Variants in CRTC1 observed in about 807,000 individuals in gnomAD.
The protein encoded by CRTC1 is CREB regulated transcription coactivator 1.
In CRTC1, 18 loss-of-function variants were observed where a neutral mutation model predicts 66.1. That is an observed-to-expected ratio of 0.27 (90% CI 0.19 to 0.40). CRTC1 has a LOEUF of 0.40. CRTC1 is among the 10% of genes least tolerant of loss of function. The pLI is 1.00. For synonymous variants in CRTC1, 416 were observed against 398.8 expected, an observed-to-expected ratio of 1.04 and a Z score of -0.51; for missense variants, 669 against 887.9, an observed-to-expected ratio of 0.75 and a Z score of 3.13.
intron 1 of CRTC1, among the ~76,000 whole-genome samples, chr19:18,722,982 C>G (rs1015278424): frequency 1.3e-5 from 2 of 151,994 alleles, no homozygotes; most frequent in African/African-American, 4.8e-5. Flanking sequence ...GCTCTCTTGC[C>G]CAGGCTGGAG....
chr19:18,776,063 G>A (rs1312877262), intron 13 of CRTC1, among the ~76,000 whole-genome samples: 1 of 152,174 alleles, frequency 6.6e-6, no homozygotes, highest in Admixed American at 6.5e-5. Flanking sequence ...GGATAGAGAC[G>A]GTCACTCTCC....
intron 1 of CRTC1, among the ~76,000 whole-genome samples, chr19:18,704,288 G>A (rs1248449159): frequency 3.3e-5 from 5 of 152,052 alleles, no homozygotes; most frequent in Non-Finnish European, 7.4e-5. Context: ...AAATTCTTTT[G>A]TAGAGACGGG....
chr19:18,712,352 G>A (rs2053411258), intron 1 of CRTC1, among the ~76,000 whole-genome samples: 1 of 152,034 alleles, frequency 6.6e-6, no homozygotes, highest in South Asian at 2.1e-4. Context: ...TCCACCTCCC[G>A]GGTTTAAGTG....
At position 18,746,028 on chromosome 19, in the gene CRTC1, AC is replaced by A. The variant is rs926363573; in HGVS notation, c.381+71del. On this transcript the variant is annotated intron_variant, in intron 3 of 13. Transcript: ENST00000321949. The stretch of plus-strand genomic sequence containing the variant: ...TCGGTGCCGGCAGGACCCCAAGTTT[AC>A]CCAGCAGGTTCTGACAGGGCTGCCT... 1.6e-5 allele frequency: 24 copies of A among 1,538,152 alleles called. No individual in the cohort carries two copies. In the African/African-American group the frequency reaches 2.9e-4, roughly 18 times the overall value.
chr19:18,742,827 GT>G, intron 1 of CRTC1, 82 bp from the exon 2 acceptor site: 1 of 982,332 alleles, frequency 1.0e-6, no homozygotes, highest in Admixed American at 1.7e-5. Flanking sequence ...CACCACTTGG[GT>G]CTTTTTGTGC....
At chr19:18,765,376 C>T (rs972726142) in intron 8 of CRTC1, 28 bp from the exon 9 acceptor site, 2 of 1,597,624 alleles carry the variant, frequency 1.3e-6, no homozygotes, top group Non-Finnish European at 8.6e-7. Flanking sequence ...CTCACACCTG[C>T]TCTCCCTCCC....
intron 1 of CRTC1, among the ~76,000 whole-genome samples, 185 bp from the exon 2 acceptor site, chr19:18,742,725 T>C (rs1187766287): frequency 6.6e-6 from 1 of 152,238 alleles, no homozygotes; most frequent in Non-Finnish European, 1.5e-5. Flanking sequence ...CTCGGGTTTC[T>C]GATTCTGCCA....
rs571146191 is a variant in CRTC1, at chr19:18,780,768, G to A, written c.*3386G>A. 2 of 219,352 alleles carry A rather than the reference G, an allele frequency of 9.1e-6. No homozygotes were observed. The highest frequency in any genetic ancestry group is 1.2e-4 in the Admixed American group (2 of 17,292). 13.6% of individuals were successfully genotyped at this position (219,352 alleles called of 1,614,324 possible). A position where few individuals can be genotyped will look rare whatever the true frequency, so the allele number is the denominator to read the frequency against. On this transcript the variant is annotated 3_prime_UTR_variant, in exon 14 of 14. Coordinates refer to ENST00000321949, the MANE Select transcript of CRTC1 (RefSeq NM_015321.3). ...GGTCTCGGACTCCTGGGCTCAAGCA[G>A]TCCTCCCTCCTCGGCCTCCCAAAGT... is the stretch of plus-strand genomic sequence containing the variant.
At chr19:18,753,384 T>C in intron 5 of CRTC1, 116 bp from the exon 6 acceptor site, 1 of 715,008 alleles carries the variant, frequency 1.4e-6, no homozygotes, top group South Asian at 1.8e-5. Flanking sequence ...TTAGGACAGT[T>C]GCAGTCTTAC....
At position 18,741,522 on chromosome 19, in the gene CRTC1, G is replaced by A. The variant is rs1362587386; in HGVS notation, c.127-1388G>A. Among the ~76,000 whole-genome samples, 2 of 152,168 alleles carry A rather than the reference G, an allele frequency of 1.3e-5. No homozygotes were observed. The highest frequency in any genetic ancestry group is 1.5e-5 in the Non-Finnish European group (1 of 68,030). On this transcript the variant is annotated intron_variant, in intron 1 of 13. Coordinates refer to ENST00000321949, the MANE Select transcript of CRTC1 (RefSeq NM_015321.3). This position sits in a 1 kb window ranked among gnomAD's most constrained non-coding sequence, Gnocchi z 4.2. ...AAGAGGGTGGAGAAAGTCACGGGAG[G>A]CCACAGGCGACCTATGCCCAGGTAG...
chr19:18,770,834 GTGTGGGTGTGCA>G (rs1189918668), intron 10 of CRTC1, among the ~76,000 whole-genome samples: 5 of 150,616 alleles, frequency 3.3e-5, no homozygotes, highest in Admixed American at 2.6e-4. Flanking sequence ...GTCCATGTGG[GTGTGGGTGTGCA>G]TGTGGGTGTG....
At chr19:18,700,234 G>C (rs924832782) in intron 1 of CRTC1, among the ~76,000 whole-genome samples, 3 of 152,146 alleles carry the variant, frequency 2.0e-5, no homozygotes, top group Non-Finnish European at 4.4e-5. Flanking sequence ...GGGGTTGAAG[G>C]GTGCGGTGAG....
chr19:18,684,596 C>T (rs1207387785), intron 1 of CRTC1, among the ~76,000 whole-genome samples: 1 of 152,094 alleles, frequency 6.6e-6, no homozygotes, highest in Non-Finnish European at 1.5e-5. Context: ...AGACAGCTGC[C>T]CCTTCTCCAT....
chr19:18,755,453 A>G (rs1256665151), intron 6 of CRTC1, among the ~76,000 whole-genome samples: 1 of 151,490 alleles, frequency 6.6e-6, no homozygotes, highest in Non-Finnish European at 1.5e-5. Context: ...TTTTTGAGGC[A>G]GGATCTTGCT....
intron 1 of CRTC1, among the ~76,000 whole-genome samples, chr19:18,706,616 C>G (rs545634600): frequency 3.9e-5 from 6 of 152,040 alleles, no homozygotes; most frequent in South Asian, 2.1e-4. Context: ...TTTTGTTATT[C>G]TTTTTCAATA....
chr19:18,738,561 G>A (rs938790150), intron 1 of CRTC1, among the ~76,000 whole-genome samples: 4 of 152,112 alleles, frequency 2.6e-5, no homozygotes, highest in African/African-American at 9.7e-5. Flanking sequence ...CAGCACTTTG[G>A]GAGGCTGAGG....
chr19:18,777,121 C>A lies in CRTC1; in HGVS notation c.1694-50C>A. On this transcript the variant is annotated intron_variant, in intron 13 of 13. Transcript: ENST00000321949. The surrounding 1 kb of genome is among the most constrained non-coding windows in gnomAD (Gnocchi z 5.5). ...GCCTGGTCCGACACATGGATGCGAG[C>A]GATGGAGCCAGGGCTAAGCAGTGCC... is the stretch of plus-strand genomic sequence containing the variant. 9.5e-7 allele frequency: 1 copy of A among 1,048,068 alleles called. No individual in the cohort carries two copies. 64.9% of individuals were successfully genotyped at this position (1,048,068 alleles called of 1,614,324 possible).
chr19:18,760,112 C>T lies in CRTC1; in HGVS notation c.770C>T (p.Pro257Leu), dbSNP rs778837346. The stretch of plus-strand genomic sequence containing the variant: ...CTGACCAACATCCACTTCCCCTCCC[C>T]GCTCCCGACCCCGCTGGACCCCGAG... The part of the protein sequence containing the change: ...PDLTNIHFPS[P>L]LPTPLDPEEP... The change falls in exon 8 of 14, where the codon CCG (proline) becomes CTG (leucine). Residue 257 changes from proline to leucine, a missense_variant. Pro to Leu is a moderately conservative substitution (Grantham distance 98). Transcript: ENST00000321949. This position sits in a 1 kb window ranked among gnomAD's most constrained non-coding sequence, Gnocchi z 6.2. 7 of 1,613,922 alleles carry T rather than the reference C, an allele frequency of 4.3e-6. No individual in the cohort carries two copies. Among genetic ancestry groups the T allele is most frequent in the South Asian group, 1.1e-5 (1 of 91,076 alleles).
At chr19:18,739,360 C>T (rs2054064820) in intron 1 of CRTC1, among the ~76,000 whole-genome samples, 1 of 152,202 alleles carries the variant, frequency 6.6e-6, no homozygotes, top group Non-Finnish European at 1.5e-5. Flanking sequence ...CTTGTGTTGC[C>T]TGGGCCAGCT....
Sources: allele counts gnomAD v4.1 joint callset (sites outside exome capture counted in the v4.1 genomes callset), GRCh38; gene constraint gnomAD v4.1.1; non-coding constraint Gnocchi (gnomAD v3.1); transcripts MANE v1.5; gene names NCBI Gene and HGNC (gene_info 2026-07-23, HGNC 2026-07-21).